The following TUBGCP3 variants were observed in gnomAD, a reference collection of about 807,000 sequenced individuals.
TUBGCP3 encodes the protein gamma-tubulin complex component 3.
Under a neutral mutation model 123.1 loss-of-function variants are expected in TUBGCP3, and 50 were observed. The ratio of observed to expected loss-of-function variants is 0.41; its 90% CI spans 0.32 to 0.51. The LOEUF is 0.51. Among genes scored for constraint, TUBGCP3 ranks in the 20% least tolerant of loss-of-function variants. The pLI is 0.36. For missense variants in TUBGCP3, 882 were observed against 1,127.0 expected, an observed-to-expected ratio of 0.78 and a Z score of 3.11; for synonymous variants, 405 against 413.9, an observed-to-expected ratio of 0.98 and a Z score of 0.26.
At position 112,570,328 on chromosome 13, in the gene TUBGCP3, T is replaced by C. The variant is rs1039239416; in HGVS notation, c.77-1069A>G. Among the ~76,000 whole-genome samples the C allele has an allele frequency of 2.6e-5, 4 of 152,308 alleles. No individual in the cohort carries two copies. The East Asian group carries it at 7.7e-4, about 29-fold the overall frequency. ...GATCCCCAACAAGCACACGGGTCTT[T>C]GTCAAATTCAGACAGACCACAGAGA... On this transcript the variant is annotated intron_variant, in intron 1 of 21. Coordinates refer to ENST00000261965, the MANE Select transcript of TUBGCP3 (RefSeq NM_006322.6).
At position 112,527,587 on chromosome 13, in the gene TUBGCP3, C is replaced by G. The variant is rs983475222; in HGVS notation, c.1336-103G>C. 6.6e-6 allele frequency: 5 copies of G among 761,858 alleles called. No individual in the cohort carries two copies. The African/African-American group carries it at 8.7e-5, about 13-fold the overall frequency. The allele number at this position is 761,858 out of a possible 1,614,324, so 47.2% of individuals were successfully genotyped here. Reference sequence around the variant, plus strand: ...AAGTTATTCTAGAAAGCCAAGTTCTCCAGACACAGGGAGTCTTACCTATTT... The same window carrying G: ...AAGTTATTCTAGAAAGCCAAGTTCTGCAGACACAGGGAGTCTTACCTATTT... On this transcript the variant is annotated intron_variant, in intron 11 of 21. Transcript: ENST00000261965.
chr13:112,595,563 A>T, the TUBGCP3 span, among the ~76,000 whole-genome samples: 4 of 152,234 alleles, frequency 2.6e-5, no homozygotes, highest in Admixed American at 1.3e-4. Flanking sequence ...CCATCTTAGC[A>T]AATTGACCTT....
intron 20 of TUBGCP3, among the ~76,000 whole-genome samples, chr13:112,492,243 T>C (rs1389495096): frequency 2.0e-5 from 3 of 152,228 alleles, no homozygotes; most frequent in Admixed American, 6.5e-5. Context: ...TTTTACTTCA[T>C]TTATGAGCTT....
chr13:112,567,439 C>G (rs939781973), intron 2 of TUBGCP3, among the ~76,000 whole-genome samples: 1 of 152,214 alleles, frequency 6.6e-6, no homozygotes, highest in Non-Finnish European at 1.5e-5. Flanking sequence ...CTGTTTATCA[C>G]AGTACCTAAT....
chr13:112,568,166 G>T (rs1461901250), intron 2 of TUBGCP3, among the ~76,000 whole-genome samples: 2 of 148,958 alleles, frequency 1.3e-5, no homozygotes, highest in Non-Finnish European at 3.0e-5. Flanking sequence ...CTTCTAGAAG[G>T]TGTTATCACT....
rs753187236 is a variant in TUBGCP3 at position 112,545,886 on chromosome 13, T to G, written c.1169-21A>C. Reference sequence around the variant, plus strand: ...CCTTCCTGGGAGAAATGGAGGAAAATACACAAAAACATCCACATTTACACT... The same window carrying G: ...CCTTCCTGGGAGAAATGGAGGAAAAGACACAAAAACATCCACATTTACACT... On this transcript the variant is annotated intron_variant, in intron 10 of 21. Transcript: ENST00000261965. The surrounding 1 kb of genome is among the most constrained non-coding windows in gnomAD (Gnocchi z 4.1). 1.9e-6 allele frequency: 3 copies of G among 1,604,658 alleles called. No individual in the cohort carries two copies. In the East Asian group the frequency reaches 6.7e-5, roughly 36 times the overall value.
intron 3 of TUBGCP3, among the ~76,000 whole-genome samples, chr13:112,561,048 C>T (rs1880476964): frequency 6.6e-6 from 1 of 152,226 alleles, no homozygotes; most frequent in Non-Finnish European, 1.5e-5. Flanking sequence ...CTCCACGCTG[C>T]ACCAAGAAAC....
At chr13:112,586,952 C>A (rs1882653620) in intron 1 of TUBGCP3, among the ~76,000 whole-genome samples, 1 of 152,172 alleles carries the variant, frequency 6.6e-6, no homozygotes, top group Admixed American at 6.5e-5. Flanking sequence ...ATAGAACATC[C>A]AATGAATTAT....
chr13:112,560,246 C>T (rs1372368608), intron 3 of TUBGCP3, among the ~76,000 whole-genome samples: 2 of 151,300 alleles, frequency 1.3e-5, no homozygotes, highest in Admixed American at 6.6e-5. Flanking sequence ...CCGGCTAAAA[C>T]GGTGAAACCC....
chr13:112,549,521 T>A (rs1204515450), intron 8 of TUBGCP3, among the ~76,000 whole-genome samples: 5 of 152,086 alleles, frequency 3.3e-5, no homozygotes, highest in Non-Finnish European at 7.4e-5. Flanking sequence ...TAAAAAAGAT[T>A]ATATCCCCTG....
rs9577773 is a variant in TUBGCP3 at position 112,494,770 on chromosome 13, G to T, written c.2448+4275C>A. On this transcript the variant is annotated intron_variant, in intron 20 of 21. Coordinates refer to ENST00000261965, the MANE Select transcript of TUBGCP3 (RefSeq NM_006322.6). ...TTTGGATAAAAGCCATTTTAACTGG[G>T]GTGGGATGATAGCTCACTGTAGTTT... is the stretch of plus-strand genomic sequence containing the variant. Among the ~76,000 whole-genome samples, 792 of 152,288 alleles carry T rather than the reference G, an allele frequency of 5.2e-3. 10 individuals are homozygous for T. The highest frequency in any genetic ancestry group is 0.041 in the East Asian group (215 of 5,188).
At chr13:112,544,609 A>T (rs1463925449) in intron 11 of TUBGCP3, 1 of 152,166 alleles carries the variant, frequency 6.6e-6, no homozygotes, top group Non-Finnish European at 1.5e-5. Flanking sequence ...CAAAGAAAAC[A>T]TCATCTCCAT....
intron 20 of TUBGCP3, among the ~76,000 whole-genome samples, chr13:112,491,618 C>T (rs1880109206): frequency 6.6e-6 from 1 of 152,232 alleles, no homozygotes; most frequent in African/African-American, 2.4e-5. Context: ...TCGTTCTACA[C>T]CAGAACTTCC....
In TUBGCP3 at chr13:112,545,498, C is replaced by A. The variant is rs78959982; in HGVS notation, c.1335+201G>T. 18,630 of 560,282 alleles carry A rather than the reference C, an allele frequency of 0.033. 612 individuals are homozygous for A. The highest frequency in any genetic ancestry group is 0.11 in the African/African-American group (6,049 of 53,798). The allele number at this position is 560,282 out of a possible 1,614,324, so 34.7% of individuals were successfully genotyped here. A position where few individuals can be genotyped will look rare whatever the true frequency, so the allele number is the denominator to read the frequency against. On this transcript the variant is annotated intron_variant, in intron 11 of 21. Transcript: ENST00000261965. This position sits in a 1 kb window ranked among gnomAD's most constrained non-coding sequence, Gnocchi z 4.1. ...TAAACTGGGACAATTCTCCACTAAC[C>A]AAAGAACTCGTGAACTTATCTGCTG...
chr13:112,485,456 C>G lies in TUBGCP3; in HGVS notation c.*537G>C, dbSNP rs1479175583. 6.6e-6 allele frequency: 1 copy of G among 152,198 alleles called. No individual in the cohort carries two copies. Among genetic ancestry groups the G allele is most frequent in the African/African-American group, 2.4e-5 (1 of 41,280 alleles). The allele number at this position is 152,198 out of a possible 1,614,324, so 9.4% of individuals were successfully genotyped here. A position where few individuals can be genotyped will look rare whatever the true frequency, so the allele number is the denominator to read the frequency against. On this transcript the variant is annotated 3_prime_UTR_variant, in exon 22 of 22. Coordinates refer to ENST00000261965, the MANE Select transcript of TUBGCP3 (RefSeq NM_006322.6). ...TGTGTAAAGGTAATGCATTAAGATACAAAGGATCTCACAGAGGTTAATATT... is the reference window on the plus strand; with the variant it reads ...TGTGTAAAGGTAATGCATTAAGATAGAAAGGATCTCACAGAGGTTAATATT...
intron 13 of TUBGCP3, among the ~76,000 whole-genome samples, chr13:112,525,724 C>A (rs9549534): frequency 6.6e-6 from 1 of 152,102 alleles, no homozygotes; most frequent in African/African-American, 2.4e-5. Flanking sequence ...ATTCTGAATG[C>A]AATAAACACA....
At chr13:112,575,184 AC>A (rs1259266580) in intron 1 of TUBGCP3, among the ~76,000 whole-genome samples, 18 of 152,126 alleles carry the variant, frequency 1.2e-4, no homozygotes, top group East Asian at 1.9e-4. Context: ...GGAAAAAGTC[AC>A]CCCTTAAAGC....
chr13:112,547,667 G>T lies in TUBGCP3; in HGVS notation c.1121C>A (p.Pro374His). 6.3e-7 allele frequency: 1 copy of T among 1,584,266 alleles called. No individual in the cohort carries two copies. The highest frequency in any genetic ancestry group is 1.1e-5 in the South Asian group (1 of 87,542). The change falls in exon 10 of 22, where the codon CCC (proline) becomes CAC (histidine). Residue 374 changes from proline (P) to histidine (H), a missense_variant. Around this residue, in one of 3 missense-constraint regions of TUBGCP3, gnomAD observed 713 missense variants for 874.0 expected, o/e 0.82. Transcript: ENST00000261965. ...CGCAAGGGTCTTCAGTCGTATTTTG[G>T]GATCATAGGTCCAAACCAGGAGGCG... ...LRRLLVWTYDPKIRLKTLAAL... is the reference protein window; with the variant it reads ...LRRLLVWTYDHKIRLKTLAAL...
chr13:112,556,180 T>C lies in TUBGCP3; in HGVS notation c.593A>G (p.Gln198Arg), dbSNP rs1204640683. 1.9e-6 allele frequency: 3 copies of C among 1,614,164 alleles called. No individual in the cohort carries two copies. The change falls in exon 6 of 22, where the codon CAG (glutamine) becomes CGG (arginine). Residue 198 changes from glutamine (Q) to arginine (R), a missense_variant. Gln to Arg is a conservative substitution (Grantham distance 43, BLOSUM62 1). Around this residue, in one of 3 missense-constraint regions of TUBGCP3, gnomAD observed 713 missense variants for 874.0 expected, o/e 0.82. Transcript: ENST00000261965. The stretch of plus-strand genomic sequence containing the variant: ...AGTCCATGCGAGTCGTGACCCCAAC[T>C]GCTGTCGAAGGCAATCTCCTACTCC... ...APGVGDCLRQ[Q>R]LGSRLAWTLT...
Sources: gnomAD v4.1 joint callset for allele counts (sites outside exome capture counted in the v4.1 genomes callset) on GRCh38, gnomAD v4.1.1 for gene constraint, gnomAD v4.1.1 regional missense constraint, Gnocchi (gnomAD v3.1) non-coding constraint, MANE v1.5 for transcripts, NCBI Gene and HGNC (gene_info 2026-07-23, HGNC 2026-07-21) for gene names.